NPNT: variants seen among roughly 807,000 people sequenced by gnomAD.
The protein encoded by NPNT is nephronectin.
A neutral mutation model predicts 68.6 loss-of-function variants in NPNT; 45 were observed. The observed-to-expected ratio is 0.66, with a 90% CI of 0.52 to 0.84. The LOEUF (loss-of-function observed/expected upper bound fraction) is 0.84, where lower values mean the gene tolerates loss of function less well. Ranked by LOEUF, NPNT falls within the 40% of genes least tolerant of loss-of-function variation. The pLI, the probability that NPNT is intolerant of heterozygous loss-of-function variation, is 0.00. For missense variants in NPNT, 672 were observed against 714.8 expected (o/e 0.94, Z 0.68); for synonymous variants, 233 against 253.3 (o/e 0.92, Z 0.76).
rs145527462 is a variant in NPNT at position 105,922,557 on chromosome 4, T to A, written c.173-4779T>A. 9.4e-3 allele frequency among the ~76,000 whole-genome samples: 1,430 copies of A among 151,850 alleles called. 5 individuals carry two copies. The highest frequency in any genetic ancestry group is 0.013 in the Non-Finnish European group (900 of 67,930). ...CCACCACCACACCTGGCTAGTTTTT[T>A]TGTAGAGATAGGGTTTTACCATGTT... On this transcript the variant is annotated intron_variant, in intron 2 of 11. Transcript: ENST00000379987.
intron 3 of NPNT, among the ~76,000 whole-genome samples, chr4:105,929,108 T>C (rs922938653): frequency 6.6e-6 from 1 of 152,098 alleles, no homozygotes; most frequent in Non-Finnish European, 1.5e-5. Flanking sequence ...CCTAATGCTC[T>C]CCCTCCCCTT....
Position 105,970,945 on chromosome 4 carries a change from A to T in NPNT, c.*1955A>T. On this transcript the variant is annotated 3_prime_UTR_variant, in exon 12 of 12. Coordinates refer to ENST00000379987, the MANE Select transcript of NPNT (RefSeq NM_001033047.3). Reference sequence around the variant, plus strand: ...TCTCCCTTATGGCAATCCTAGCAGTATTAAAGAAAAAAGGAAACTATTTAT... The same window carrying T: ...TCTCCCTTATGGCAATCCTAGCAGTTTTAAAGAAAAAAGGAAACTATTTAT... The T allele has an allele frequency of 3.3e-6, 1 of 305,200 alleles. No individual in the cohort carries two copies. The highest frequency in any genetic ancestry group is 2.8e-5 in the South Asian group (1 of 35,222). The allele number at this position is 305,200 out of a possible 1,614,324, so 18.9% of individuals were successfully genotyped here. A position where few individuals can be genotyped will look rare whatever the true frequency, so the allele number is the denominator to read the frequency against.
At chr4:105,938,223 C>A in intron 4 of NPNT, 78 bp from the exon 5 acceptor site, 1 of 1,430,026 alleles carries the variant, frequency 7.0e-7, no homozygotes, top group Non-Finnish European at 9.6e-7. Context: ...GATTTCAGGA[C>A]AAGTGAAAAA....
At chr4:105,938,267 A>G in intron 4 of NPNT, 34 bp from the exon 5 acceptor site, 1 of 1,603,160 alleles carries the variant, frequency 6.2e-7, no homozygotes, top group Non-Finnish European at 8.5e-7. Context: ...TTTGTTTTCT[A>G]CCTGTCTGAG....
In NPNT at chr4:105,940,860, T is replaced by G. The variant is rs147646568; in HGVS notation, c.763+224T>G. Among the ~76,000 whole-genome samples the G allele has an allele frequency of 1.6e-3, 244 of 152,360 alleles. 7 individuals carry two copies. The East Asian group carries it at 0.042, about 26-fold the overall frequency. On this transcript the variant is annotated intron_variant, in intron 7 of 11. Coordinates refer to ENST00000379987, the MANE Select transcript of NPNT (RefSeq NM_001033047.3). ...ATAATCTTAAGAGTATTTTAATCTC[T>G]TCACTGAAATCTCTCAATATTTTCT...
rs749281864 is a variant in NPNT, at chr4:105,895,615, C to A, written c.-38C>A. 6.5e-7 allele frequency: 1 copy of A among 1,529,742 alleles called. No homozygotes were observed. The highest frequency in any genetic ancestry group is 2.5e-5 in the East Asian group (1 of 40,686). The allele number at this position is 1,529,742 out of a possible 1,614,324, so 94.8% of individuals were successfully genotyped here. On this transcript the variant is annotated 5_prime_UTR_variant, in exon 1 of 12. Coordinates refer to ENST00000379987, the MANE Select transcript of NPNT (RefSeq NM_001033047.3). ...GCCCACCACCCCAACCTGTTCCTCG[C>A]GCGCCACTGCGCTGCGCCCCAGGAC...
intron 3 of NPNT, among the ~76,000 whole-genome samples, chr4:105,930,014 G>A (rs1330704876): frequency 6.6e-6 from 1 of 152,002 alleles, no homozygotes; most frequent in African/African-American, 2.4e-5. Flanking sequence ...TAGCAAAATG[G>A]GATTTTACAC....
chr4:105,934,750 A>G (rs1328471045), intron 3 of NPNT, among the ~76,000 whole-genome samples: 3 of 152,226 alleles, frequency 2.0e-5, no homozygotes, highest in Admixed American at 6.5e-5. Context: ...CCTTTCACAT[A>G]TTCATACAGT....
intron 8 of NPNT, among the ~76,000 whole-genome samples, chr4:105,956,834 T>A (rs1187536005): frequency 6.6e-6 from 1 of 152,172 alleles, no homozygotes; most frequent in Non-Finnish European, 1.5e-5. Flanking sequence ...TTCTTTTCTT[T>A]CATTGCTGCC....
intron 9 of NPNT, 24 bp from the exon 10 acceptor site, chr4:105,959,004 A>G: frequency 6.9e-7 from 1 of 1,453,866 alleles, no homozygotes; most frequent in Non-Finnish European, 9.7e-7. Context: ...TGATCCACTC[A>G]TCTTTCTGAT....
chr4:105,951,738 T>A (rs141269891), intron 8 of NPNT, among the ~76,000 whole-genome samples: 20 of 152,342 alleles, frequency 1.3e-4, no homozygotes, highest in Non-Finnish European at 2.4e-4. Context: ...TATATTTTAA[T>A]TAGATCCTAT....
intron 10 of NPNT, among the ~76,000 whole-genome samples, chr4:105,965,299 T>A (rs1344071971): frequency 6.6e-6 from 1 of 151,780 alleles, no homozygotes; most frequent in Non-Finnish European, 1.5e-5. Flanking sequence ...AATTTTTCCC[T>A]TAGTTAATGT....
intron 2 of NPNT, among the ~76,000 whole-genome samples, chr4:105,922,932 T>C (rs557548236): frequency 6.6e-6 from 1 of 152,260 alleles, no homozygotes; most frequent in East Asian, 1.9e-4. Context: ...TGGATGCTAG[T>C]GATAGCAGAC....
chr4:105,952,692 T>A (rs1336582545), intron 8 of NPNT, among the ~76,000 whole-genome samples: 1 of 152,252 alleles, frequency 6.6e-6, no homozygotes, highest in Non-Finnish European at 1.5e-5. Context: ...TCAGACTTCC[T>A]ATGGGATAAA....
chr4:105,901,139 C>T (rs754484214), intron 2 of NPNT, among the ~76,000 whole-genome samples: 12 of 152,146 alleles, frequency 7.9e-5, no homozygotes, highest in Non-Finnish European at 1.5e-4. Context: ...TTCTCTCCTT[C>T]TACCAAGTGG....
intron 8 of NPNT, among the ~76,000 whole-genome samples, chr4:105,945,610 A>G (rs888540998): frequency 2.0e-5 from 3 of 152,192 alleles, no homozygotes; most frequent in Admixed American, 6.6e-5. Context: ...TTCAAATTAT[A>G]TTTAAGTGTG....
In NPNT at chr4:105,929,107, C is replaced by G. The variant is rs199907697; in HGVS notation, c.265+1679C>G. Among the ~76,000 whole-genome samples, 9 of 152,116 alleles carry G rather than the reference C, an allele frequency of 5.9e-5. No individual in the cohort carries two copies. In the East Asian group the frequency reaches 1.5e-3, roughly 26 times the overall value. ...TGCATTAGGTATTTGTCCTAATGCT[C>G]TCCCTCCCCTTACCCCTAACCCCCA... On this transcript the variant is annotated intron_variant, in intron 3 of 11. Transcript: ENST00000379987.
chr4:105,962,816 T>C (rs28680557), intron 10 of NPNT, among the ~76,000 whole-genome samples: 14,316 of 152,036 alleles, frequency 0.094, 870 homozygotes, highest in African/African-American at 0.18. Flanking sequence ...CTTTTCATGG[T>C]TTTTTATTCT....
intron 10 of NPNT, among the ~76,000 whole-genome samples, chr4:105,966,454 G>C (rs1411970895): frequency 6.6e-6 from 1 of 152,106 alleles, no homozygotes; most frequent in Admixed American, 6.6e-5. Flanking sequence ...TTGTGTTCAT[G>C]TATATATAAT....
Sources: gnomAD v4.1 joint callset for allele counts (sites outside exome capture counted in the v4.1 genomes callset) on GRCh38, gnomAD v4.1.1 for gene constraint, MANE v1.5 for transcripts, NCBI Gene and HGNC (gene_info 2026-07-23, HGNC 2026-07-21) for gene names.